IGDCC4: variants seen among roughly 807,000 people sequenced by gnomAD.
IGDCC4 encodes immunoglobulin superfamily DCC subclass member 4.
IGDCC4 carries 72 observed loss-of-function variants against 116.6 expected under a neutral mutation model. The ratio of observed to expected loss-of-function variants is 0.62; its 90% CI spans 0.51 to 0.75. The LOEUF (loss-of-function observed/expected upper bound fraction) is 0.75. IGDCC4 is among the 30% of genes least tolerant of loss of function. The pLI is 0.00. For synonymous variants in IGDCC4, 709 were observed against 719.9 expected (o/e 0.98, Z 0.24); for missense variants, 1,501 against 1,662.4 (o/e 0.90, Z 1.69).
At position 65,400,718 on chromosome 15, in the gene IGDCC4, T is replaced by C. The variant is rs2062976061; in HGVS notation, c.841+88A>G. Reference sequence around the variant, plus strand: ...CAGAAGGTTCGTGACCACTGGGTCGTCACCCATACATCCCCCTGACTTAGG... The same window carrying C: ...CAGAAGGTTCGTGACCACTGGGTCGCCACCCATACATCCCCCTGACTTAGG... On this transcript the variant is annotated intron_variant, in intron 5 of 19. Coordinates refer to ENST00000352385, the MANE Select transcript of IGDCC4 (RefSeq NM_020962.3). The C allele has an allele frequency of 2.0e-6, 3 of 1,482,570 alleles. No individual in the cohort carries two copies. In the Admixed American group the frequency reaches 6.5e-5, roughly 32 times the overall value. 91.8% of individuals were successfully genotyped at this position (1,482,570 alleles called of 1,614,324 possible).
chr15:65,412,075 G>A (rs2063099797), intron 1 of IGDCC4, among the ~76,000 whole-genome samples: 1 of 152,200 alleles, frequency 6.6e-6, no homozygotes, highest in Non-Finnish European at 1.5e-5. Flanking sequence ...AAAGTTAGCT[G>A]TACATGGTGG....
chr15:65,385,356 T>G, intron 18 of IGDCC4: 3 of 558,148 alleles, frequency 5.4e-6, no homozygotes, highest in East Asian at 3.2e-5. Flanking sequence ...AAGCCCGCGG[T>G]GTCCGAGCCA....
intron 6 of IGDCC4, among the ~76,000 whole-genome samples, 190 bp downstream of exon 6, chr15:65,396,644 C>T (rs907517460): frequency 2.6e-5 from 4 of 152,256 alleles, no homozygotes; most frequent in South Asian, 2.1e-4. Flanking sequence ...ACTCAACGCC[C>T]CGCACTCCGT....
chr15:65,396,957 G>A lies in IGDCC4; in HGVS notation c.874C>T (p.Leu292=), dbSNP rs761627613. The change falls in exon 6 of 20, where the codon CTG becomes TTG. Residue 292 remains leucine (L), a synonymous_variant. Transcript: ENST00000352385. ...GCAATTAGTAGGTTGGTGCGGCCCA[G>A]GACGATGACATCTGTGGAGATGGGC... ...GKPISTDVIV[L]GRTNLLIANA... 4.4e-6 allele frequency: 7 copies of A among 1,579,860 alleles called. No homozygotes were observed.
At position 65,397,898 on chromosome 15, in the gene IGDCC4, G is replaced by A. The variant is rs533631219; in HGVS notation, c.842-909C>T. Among the ~76,000 whole-genome samples the A allele has an allele frequency of 5.9e-5, 9 of 152,234 alleles. No individual in the cohort carries two copies. In the East Asian group the frequency reaches 1.3e-3, roughly 23 times the overall value. ...TCACTGCAGTGTTAACTGTAACAGC[G>A]GATAACTGGAAAGGACTTAAAAATC... On this transcript the variant is annotated intron_variant, in intron 5 of 19. Coordinates refer to ENST00000352385, the MANE Select transcript of IGDCC4 (RefSeq NM_020962.3).
chr15:65,385,509 T>A (rs1039861291), intron 18 of IGDCC4: 6 of 540,062 alleles, frequency 1.1e-5, no homozygotes, highest in Non-Finnish European at 2.0e-5. Flanking sequence ...ACTGGCCTCT[T>A]CTCCCCACAC....
At chr15:65,402,776 A>G (rs1011620316) in intron 3 of IGDCC4, among the ~76,000 whole-genome samples, 5 of 152,204 alleles carry the variant, frequency 3.3e-5, no homozygotes, top group Non-Finnish European at 7.3e-5. Flanking sequence ...CTGAGGCAGG[A>G]GAATCGCTTG....
intron 6 of IGDCC4, 83 bp downstream of exon 6, chr15:65,396,751 G>A (rs1179634348): frequency 6.7e-7 from 1 of 1,496,676 alleles, no homozygotes; most frequent in Non-Finnish European, 8.9e-7. Flanking sequence ...AGTGCCCCCA[G>A]CACACCCACC....
In IGDCC4 at chr15:65,395,013, A is replaced by G. The variant is rs1009337491; in HGVS notation, c.1576+81T>C. The G allele has an allele frequency of 3.6e-5, 52 of 1,434,806 alleles. 1 individual carries two copies. Among genetic ancestry groups the G allele is most frequent in the African/African-American group, 7.1e-5 (5 of 70,336 alleles). 88.9% of individuals were successfully genotyped at this position (1,434,806 alleles called of 1,614,324 possible). A position where few individuals can be genotyped will look rare whatever the true frequency, so the allele number is the denominator to read the frequency against. On this transcript the variant is annotated intron_variant, in intron 8 of 19. Coordinates refer to ENST00000352385, the MANE Select transcript of IGDCC4 (RefSeq NM_020962.3). ...TATGAGCAGGTAAAAATGCCTTTACATTAGTAAAGAGAGGGTGAGCTCCCC... is the reference window on the plus strand; with the variant it reads ...TATGAGCAGGTAAAAATGCCTTTACGTTAGTAAAGAGAGGGTGAGCTCCCC...
chr15:65,414,476 G>A (rs2063125418), intron 1 of IGDCC4, among the ~76,000 whole-genome samples: 1 of 152,364 alleles, frequency 6.6e-6, no homozygotes, highest in South Asian at 2.1e-4. Flanking sequence ...CAAGGTTTCA[G>A]TCTTGCTGCT....
At chr15:65,387,239 C>A (rs1007046948) in intron 16 of IGDCC4, among the ~76,000 whole-genome samples, 15 of 152,088 alleles carry the variant, frequency 9.9e-5, no homozygotes, top group Non-Finnish European at 1.6e-4. Context: ...GTTGTCCAGG[C>A]TGGTCTCCAA....
At chr15:65,422,740 G>C in intron 1 of IGDCC4, 53 bp downstream of exon 1, 1 of 1,293,558 alleles carries the variant, frequency 7.7e-7, no homozygotes, top group Non-Finnish European at 9.9e-7. Flanking sequence ...ACCAGGGCGC[G>C]GGCGCACCAG....
rs1411597141 is a variant in IGDCC4, at chr15:65,386,038, G to A, written c.2973C>T (p.Ser991=). 2.0e-6 allele frequency: 3 copies of A among 1,533,794 alleles called. No homozygotes were observed. Among genetic ancestry groups the A allele is most frequent in the Non-Finnish European group, 1.7e-6 (2 of 1,143,082 alleles). The change falls in exon 18 of 20, where the codon TCC becomes TCT. Residue 991 remains serine (S), a synonymous_variant. Transcript: ENST00000352385. Reference sequence around the variant, plus strand: ...CGGGATTCCCGGGGGTGGCGGTGGAGGACAGGCCTGGGAGGGATTCCCTGG... The same window carrying A: ...CGGGATTCCCGGGGGTGGCGGTGGAAGACAGGCCTGGGAGGGATTCCCTGG... The part of the protein sequence containing the change: ...SPHRESLPGL[S]STATPGNPAL...
rs1331011209 is a variant in IGDCC4 at position 65,392,346 on chromosome 15, T to G, written c.1910A>C (p.Lys637Thr). 3.2e-6 allele frequency: 5 copies of G among 1,551,416 alleles called. No individual in the cohort carries two copies. The highest frequency in any genetic ancestry group is 4.4e-6 in the Non-Finnish European group (5 of 1,145,616). Residue 637 changes from lysine (K) to threonine (T), a missense_variant, in exon 11 of 20, where the codon AAG (lysine) becomes ACG (threonine). Coordinates refer to ENST00000352385, the MANE Select transcript of IGDCC4 (RefSeq NM_020962.3). ...SHVPFAPAELKVQAKMESLVV... is the reference protein window; with the variant it reads ...SHVPFAPAELTVQAKMESLVV... ...CAGGGACTCCATCTTTGCCTGCACC[T>G]TCAACTCTGCAGGGGCAAAAGGGAC...
intron 7 of IGDCC4, 135 bp from the exon 8 acceptor site, chr15:65,395,393 G>A: frequency 1.1e-6 from 1 of 906,592 alleles, no homozygotes; most frequent in Non-Finnish European, 1.6e-6. Flanking sequence ...CTGAGCTGGA[G>A]TGTATAAACT....
At position 65,390,158 on chromosome 15, in the gene IGDCC4, GT is replaced by G. The variant is rs2091500001; in HGVS notation, c.2404del (p.Thr802ProfsTer12). 3 of 1,585,146 alleles carry G rather than the reference GT, an allele frequency of 1.9e-6. No individual in the cohort carries two copies. The African/African-American group carries it at 4.0e-5, about 21-fold the overall frequency. ...TAGTAAAGGCATTAGTCCCCACCTG[GT>G]GTAATAGGTGACCAGGGAGGCATTC... ...LRNASLVTYYTSSGEDILIGG... is the reference protein window; with the variant it reads ...LRNASLVTYYXSSGEDILIGG... On this transcript the variant is annotated frameshift_variant, in exon 13 of 20. Coordinates refer to ENST00000352385, the MANE Select transcript of IGDCC4 (RefSeq NM_020962.3). LOFTEE classifies it high-confidence loss of function.
chr15:65,397,491 A>C (rs777317826), intron 5 of IGDCC4, among the ~76,000 whole-genome samples: 19 of 152,312 alleles, frequency 1.2e-4, no homozygotes, highest in South Asian at 8.3e-4. Flanking sequence ...ATAGCCAAGA[A>C]ACACAAAAAT....
At chr15:65,396,417 C>A in intron 6 of IGDCC4, 1 of 657,948 alleles carries the variant, frequency 1.5e-6, no homozygotes, top group Non-Finnish European at 2.8e-6. Flanking sequence ...CTCAGCCTCC[C>A]CTAAATATTG....
At chr15:65,416,051 A>G (rs1363756278) in intron 1 of IGDCC4, among the ~76,000 whole-genome samples, 3 of 151,422 alleles carry the variant, frequency 2.0e-5, no homozygotes, top group African/African-American at 7.3e-5. Context: ...AAGTCTCCAA[A>G]CTTCTCAAAC....
Sources: gnomAD v4.1 joint callset for allele counts (sites outside exome capture counted in the v4.1 genomes callset) on GRCh38, gnomAD v4.1.1 for gene constraint, MANE v1.5 for transcripts, NCBI Gene and HGNC (gene_info 2026-07-23, HGNC 2026-07-21) for gene names.